Variants in CDR2 observed in about 807,000 individuals in gnomAD.
CDR2 encodes the protein cerebellar degeneration related protein 2.
A neutral mutation model predicts 48.4 loss-of-function variants in CDR2; 34 were observed. The observed-to-expected ratio is 0.70, with a 90% confidence interval of 0.53 to 0.94. The LOEUF is 0.94. Among genes scored for constraint, CDR2 ranks in the 40% least tolerant of loss-of-function variants. CDR2 has a pLI of 0.00. For missense variants in CDR2, 498 were observed against 549.5 expected, an observed-to-expected ratio of 0.91 and a Z score of 0.94; for synonymous variants, 240 against 219.7, an observed-to-expected ratio of 1.09 and a Z score of -0.82.
chr16:22,347,147 G>A lies in CDR2; in HGVS notation c.1183C>T (p.Gln395Ter), dbSNP rs767606544. The A allele has an allele frequency of 1.2e-6, 2 of 1,614,234 alleles. No individual in the cohort carries two copies. Among genetic ancestry groups the A allele is most frequent in the South Asian group, 2.2e-5 (2 of 91,082 alleles). The change falls in exon 5 of 5, where the codon CAG (glutamine) becomes TAG (stop). Residue 395 changes from glutamine to a stop codon, truncating the protein, a stop_gained. Transcript: ENST00000268383. LOFTEE classifies it high-confidence loss of function. ...CAGCCGCTGGCAACAGGCTCAGACT[G>A]GGCGTTCACTCCAGTCAGGTCCTTG... ...AAKDLTGVNA[Q>*]SEPVASGWEL...
chr16:22,356,416 G>A (rs551513681), intron 2 of CDR2, among the ~76,000 whole-genome samples: 3 of 152,124 alleles, frequency 2.0e-5, no homozygotes, highest in African/African-American at 4.8e-5. Flanking sequence ...TCAGGAGTTC[G>A]AGACCAGCCT....
rs1567342616 is a variant in CDR2 at position 22,346,902 on chromosome 16, T to G, written c.*63A>C. The G allele has an allele frequency of 1.8e-5, 27 of 1,524,618 alleles. No individual in the cohort carries two copies. The highest frequency in any genetic ancestry group is 2.1e-5 in the Non-Finnish European group (24 of 1,118,560). 94.4% of individuals were successfully genotyped at this position (1,524,618 alleles called of 1,614,324 possible). On this transcript the variant is annotated 3_prime_UTR_variant, in exon 5 of 5. Transcript: ENST00000268383. ...TTAGGCTTCAGAGTCTACAAACACT[T>G]GTCTGAATGGGAGAGAGAGGCGATA... is the stretch of plus-strand genomic sequence containing the variant.
rs748597746 is a variant in CDR2, at chr16:22,349,387, A to C, written c.398T>G (p.Val133Gly). Residue 133 changes from valine to glycine, a missense_variant, in exon 4 of 5, where the codon GTG (valine) becomes GGG (glycine). By Grantham distance (109) the Val-to-Gly change is moderately radical. Coordinates refer to ENST00000268383, the MANE Select transcript of CDR2 (RefSeq NM_001802.2). ...QTNIDHLQSQVEELKSSGQGR... is the reference protein window; with the variant it reads ...QTNIDHLQSQGEELKSSGQGR... ...TTGGCCAGATGACTTCAGCTCCTCC[A>C]CTTGGCTCTGGAGGTGATCAATGTT... is the stretch of plus-strand genomic sequence containing the variant. 11 of 1,614,060 alleles carry C rather than the reference A, an allele frequency of 6.8e-6. No individual in the cohort carries two copies. The highest frequency in any genetic ancestry group is 1.1e-5 in the South Asian group (1 of 91,082).
At chr16:22,364,746 C>T (rs2049033610) in intron 2 of CDR2, among the ~76,000 whole-genome samples, 156 bp downstream of exon 2, 1 of 151,978 alleles carries the variant, frequency 6.6e-6, no homozygotes, top group Admixed American at 6.6e-5. Flanking sequence ...GCCTGTAATC[C>T]CAGCTACTCG....
chr16:22,359,333 G>C (rs1035379039), intron 2 of CDR2, among the ~76,000 whole-genome samples: 13 of 152,022 alleles, frequency 8.6e-5, no homozygotes, highest in Admixed American at 4.6e-4. Flanking sequence ...CGCCATCTTG[G>C]CCAGGCTTAT....
At chr16:22,371,854 G>A (rs1050455303) in intron 1 of CDR2, among the ~76,000 whole-genome samples, 25 of 6,388 alleles carry the variant, frequency 3.9e-3, no homozygotes, top group East Asian at 0.03. Context: ...AGATATGTGT[G>A]TGTGTGTGTG....
chr16:22,357,255 G>C (rs1409803382), intron 2 of CDR2, among the ~76,000 whole-genome samples: 1 of 152,108 alleles, frequency 6.6e-6, no homozygotes, highest in Non-Finnish European at 1.5e-5. Context: ...CACCATGTTG[G>C]CCGGGCTGGT....
chr16:22,364,897 A>T lies in CDR2; in HGVS notation c.192+5T>A, dbSNP rs118111122. 0.013 allele frequency: 20,390 copies of T among 1,545,534 alleles called. 306 individuals carry two copies. Among genetic ancestry groups the T allele is most frequent in the South Asian group, 0.047 (4,173 of 89,578 alleles). On this transcript the variant is annotated splice_donor_5th_base_variant and intron_variant, in intron 2 of 4. Transcript: ENST00000268383. ...AAAGTGTAACTCTCCTGCCAAGTGA[A>T]TTACCTCAATTTCCTGTAACTGCTC...
chr16:22,364,956 C>T lies in CDR2; in HGVS notation c.138G>A (p.Glu46=), dbSNP rs2049035613. 6.2e-7 allele frequency: 1 copy of T among 1,613,500 alleles called. No homozygotes were observed. Among genetic ancestry groups the T allele is most frequent in the South Asian group, 1.1e-5 (1 of 91,068 alleles). The part of the protein sequence containing the change: ...KTLLDRNTEL[E]DSVQQMYTTN... Reference sequence around the variant, plus strand: ...TTGTATACATCTGCTGAACAGAGTCCTCCAACTCTGTGTTCCGATCCAGTA... The same window carrying T: ...TTGTATACATCTGCTGAACAGAGTCTTCCAACTCTGTGTTCCGATCCAGTA... The change falls in exon 2 of 5, where the codon GAG becomes GAA. Residue 46 remains glutamate, a synonymous_variant. Coordinates refer to ENST00000268383, the MANE Select transcript of CDR2 (RefSeq NM_001802.2).
At chr16:22,366,640 CAGGGA>C (rs766237082) in intron 1 of CDR2, among the ~76,000 whole-genome samples, 4 of 151,826 alleles carry the variant, frequency 2.6e-5, no homozygotes, top group Non-Finnish European at 4.4e-5. Context: ...ATGTATTGGG[CAGGGA>C]GGGGAGGGGG....
At position 22,362,511 on chromosome 16, in the gene CDR2, T is replaced by C. The variant is rs372952297; in HGVS notation, c.192+2391A>G. 1.4e-4 allele frequency among the ~76,000 whole-genome samples: 21 copies of C among 152,360 alleles called. No individual in the cohort carries two copies. In the South Asian group the frequency reaches 2.9e-3, roughly 21 times the overall value. On this transcript the variant is annotated intron_variant, in intron 2 of 4. Coordinates refer to ENST00000268383, the MANE Select transcript of CDR2 (RefSeq NM_001802.2). ...GATATGCTAAAATAAGTACCAGTTA[T>C]AGTGTTTTATAAATGCTCTAACAGG...
At chr16:22,351,064 CA>C (rs1452129303) in intron 2 of CDR2, among the ~76,000 whole-genome samples, 38 of 152,130 alleles carry the variant, frequency 2.5e-4, no homozygotes, top group Admixed American at 2.5e-3. Flanking sequence ...ACCCTGTGCC[CA>C]AATGATCTCG....
intron 2 of CDR2, among the ~76,000 whole-genome samples, chr16:22,357,750 A>G (rs543242217): frequency 8.3e-4 from 127 of 152,358 alleles, no homozygotes; most frequent in Non-Finnish European, 1.6e-3. Context: ...TGTGGCCAAC[A>G]TACAGGAAAC....
chr16:22,360,242 G>A (rs1477780205), intron 2 of CDR2, among the ~76,000 whole-genome samples: 1 of 152,008 alleles, frequency 6.6e-6, no homozygotes, highest in Non-Finnish European at 1.5e-5. Context: ...ACCCAGAACA[G>A]AAAAAACTTG....
In CDR2 at chr16:22,347,304, G is replaced by A. The variant is rs975778343; in HGVS notation, c.1026C>T (p.Gly342=). 3.1e-6 allele frequency: 5 copies of A among 1,614,238 alleles called. No homozygotes were observed. Among genetic ancestry groups the A allele is most frequent in the Non-Finnish European group, 4.2e-6 (5 of 1,180,038 alleles). The change falls in exon 5 of 5, where the codon GGC becomes GGT. Residue 342 remains glycine (G), a synonymous_variant. Coordinates refer to ENST00000268383, the MANE Select transcript of CDR2 (RefSeq NM_001802.2). ...IRRAKAVKQR[G]ISLLHEVDTQ... is the part of the protein sequence containing the mutation. ...TGTCCACTTCGTGCAGAAGGGAGAT[G>A]CCCCTCTGTTTCACAGCCTTGGCCC...
intron 2 of CDR2, 98 bp from the exon 3 acceptor site, chr16:22,349,947 G>A: frequency 1.8e-6 from 2 of 1,115,760 alleles, no homozygotes; most frequent in Non-Finnish European, 2.6e-6. Flanking sequence ...CCAGCACTTT[G>A]GGAGGCCAAG....
chr16:22,371,848 A>ATGTGTGTGTG (rs56274013), intron 1 of CDR2, among the ~76,000 whole-genome samples: 13 of 148,554 alleles, frequency 8.8e-5, no homozygotes, highest in South Asian at 8.7e-4. Context: ...AGGTTCAGAT[A>ATGTGTGTGTG]TGTGTGTGTG....
intron 2 of CDR2, among the ~76,000 whole-genome samples, chr16:22,350,133 G>A (rs62044804): frequency 6.6e-6 from 1 of 151,972 alleles, no homozygotes; most frequent in South Asian, 2.1e-4. Flanking sequence ...AGGTTGCAAT[G>A]AGCCGAGATG....
chr16:22,352,634 A>T (rs1213799508), intron 2 of CDR2, among the ~76,000 whole-genome samples: 1 of 152,180 alleles, frequency 6.6e-6, no homozygotes, highest in Non-Finnish European at 1.5e-5. Context: ...ACAGCCTCAC[A>T]TCAGTTCAGG....
Sources: gnomAD v4.1 joint callset for allele counts (sites outside exome capture counted in the v4.1 genomes callset) on GRCh38, gnomAD v4.1.1 for gene constraint, MANE v1.5 for transcripts, NCBI Gene and HGNC (gene_info 2026-07-23, HGNC 2026-07-21) for gene names.